UHRF2: variants seen among roughly 807,000 people sequenced by gnomAD.
The protein encoded by UHRF2 is E3 ubiquitin-protein ligase UHRF2.
Under a neutral mutation model 96.8 loss-of-function variants are expected in UHRF2, and 23 were observed. The ratio of observed to expected loss-of-function variants is 0.24; its 90% CI spans 0.17 to 0.34. The LOEUF (loss-of-function observed/expected upper bound fraction) is 0.34, where lower values mean the gene tolerates loss of function less well. Ranked by LOEUF, UHRF2 falls within the 10% of genes least tolerant of loss-of-function variation. The pLI is 1.00. For missense variants in UHRF2, 685 were observed against 981.5 expected (o/e 0.70, Z 4.04); for synonymous variants, 385 against 332.6 (o/e 1.16, Z -1.72).
intron 3 of UHRF2, among the ~76,000 whole-genome samples, chr9:6,451,394 A>AG (rs1220456986): frequency 6.6e-6 from 1 of 152,182 alleles, no homozygotes; most frequent in Non-Finnish European, 1.5e-5. Flanking sequence ...AATCTCCAAA[A>AG]CAAAATATAC....
At chr9:6,435,030 C>G (rs1227403947) in intron 3 of UHRF2, among the ~76,000 whole-genome samples, 1 of 150,666 alleles carries the variant, frequency 6.6e-6, no homozygotes, top group Non-Finnish European at 1.5e-5. Context: ...AGTTTTGAGA[C>G]AGATTCTCAC....
At position 6,485,008 on chromosome 9, in the gene UHRF2, G is replaced by A. The variant is rs201711728; in HGVS notation, c.1393-1813G>A. On this transcript the variant is annotated intron_variant, in intron 8 of 15. Transcript: ENST00000276893. ...GGGTTACTCCATGTTGGTCAGGCTG[G>A]TCTCAAACTCCCGACCTCAGGTGAT... Among the ~76,000 whole-genome samples the A allele has an allele frequency of 1.9e-4, 29 of 151,582 alleles. No individual in the cohort carries two copies. The East Asian group carries it at 5.7e-3, about 30-fold the overall frequency.
intron 3 of UHRF2, among the ~76,000 whole-genome samples, chr9:6,438,364 G>A (rs886577391): frequency 6.6e-6 from 1 of 152,192 alleles, no homozygotes; most frequent in African/African-American, 2.4e-5. Context: ...TAGATGACCT[G>A]TAATGACAGC....
chr9:6,459,714 C>T (rs767684232), intron 3 of UHRF2, among the ~76,000 whole-genome samples: 59 of 152,184 alleles, frequency 3.9e-4, no homozygotes, highest in Non-Finnish European at 7.9e-4. Context: ...TGGCTCATGC[C>T]GGTAGTCCCA....
chr9:6,494,965 A>G (rs1025350282), intron 10 of UHRF2: 3 of 152,220 alleles, frequency 2.0e-5, no homozygotes, highest in Non-Finnish European at 4.4e-5. Flanking sequence ...TGGTGAAAAC[A>G]TTCTTGAGAC....
At chr9:6,436,883 A>G (rs371951435) in intron 3 of UHRF2, among the ~76,000 whole-genome samples, 17 of 152,360 alleles carry the variant, frequency 1.1e-4, no homozygotes, top group South Asian at 6.2e-4. Context: ...AAATGTTTCA[A>G]TGCTGGCAAC....
At chr9:6,498,182 G>A in intron 12 of UHRF2, 24 bp downstream of exon 12, 2 of 1,607,094 alleles carry the variant, frequency 1.2e-6, no homozygotes, top group South Asian at 1.1e-5. Context: ...TGTCTAGGCT[G>A]CCTGTGTGTT....
chr9:6,466,628 A>G (rs1308259674), intron 4 of UHRF2, among the ~76,000 whole-genome samples: 2 of 151,990 alleles, frequency 1.3e-5, no homozygotes, highest in African/African-American at 2.4e-5. Flanking sequence ...TGTATTTACT[A>G]AATTTTTTTC....
intron 1 of UHRF2, among the ~76,000 whole-genome samples, chr9:6,419,913 T>A (rs1207668152): frequency 6.6e-6 from 1 of 151,916 alleles, no homozygotes; most frequent in African/African-American, 2.4e-5. Flanking sequence ...CTACGTTTTT[T>A]TATTTATTTA....
At chr9:6,453,409 T>C (rs2130825359) in intron 3 of UHRF2, among the ~76,000 whole-genome samples, 1 of 152,340 alleles carries the variant, frequency 6.6e-6, no homozygotes, top group African/African-American at 2.4e-5. Context: ...ATTTTCACTT[T>C]ACAGCTGAGA....
intron 3 of UHRF2, among the ~76,000 whole-genome samples, chr9:6,443,411 G>A (rs1190154689): frequency 1.3e-5 from 2 of 152,212 alleles, no homozygotes; most frequent in African/African-American, 4.8e-5. Context: ...CTCAGTGTTA[G>A]AGAGCTAGTA....
intron 2 of UHRF2, among the ~76,000 whole-genome samples, chr9:6,432,540 G>C (rs1279864976): frequency 6.6e-6 from 1 of 152,128 alleles, no homozygotes; most frequent in Non-Finnish European, 1.5e-5. Flanking sequence ...TAACCTAGAG[G>C]AAGTTAATTT....
At chr9:6,445,878 T>A (rs1821454640) in intron 3 of UHRF2, among the ~76,000 whole-genome samples, 1 of 151,880 alleles carries the variant, frequency 6.6e-6, no homozygotes, top group Admixed American at 6.6e-5. Flanking sequence ...CTTCTAATAA[T>A]ATTGAAAATA....
chr9:6,421,675 CCAAAGTGCT>C (rs1819939558), intron 2 of UHRF2, among the ~76,000 whole-genome samples: 1 of 152,140 alleles, frequency 6.6e-6, no homozygotes, highest in South Asian at 2.1e-4. Context: ...CCTCAGCCTC[CCAAAGTGCT>C]GGAATTACCG....
intron 4 of UHRF2, among the ~76,000 whole-genome samples, chr9:6,462,295 G>A (rs935419278): frequency 4.8e-5 from 7 of 147,318 alleles, no homozygotes; most frequent in African/African-American, 1.0e-4. Context: ...CTGGCTCTTC[G>A]TGGGAAAAGT....
In UHRF2 at chr9:6,422,689, A is replaced by G. The variant is rs1050375765; in HGVS notation, c.384+1547A>G. On this transcript the variant is annotated intron_variant, in intron 2 of 15. Transcript: ENST00000276893. ...CAGTGACGTGAACACGGCTCGCTGT[A>G]GCCTTGACCTGCTGGGGTCAAGTGA... is the stretch of plus-strand genomic sequence containing the variant. 10 of 601,188 alleles carry G rather than the reference A, an allele frequency of 1.7e-5. No homozygotes were observed. The African/African-American group carries it at 1.7e-4, about 10-fold the overall frequency. 37.2% of individuals were successfully genotyped at this position (601,188 alleles called of 1,614,324 possible).
chr9:6,459,921 T>C (rs1341605347), intron 3 of UHRF2, among the ~76,000 whole-genome samples: 2 of 152,220 alleles, frequency 1.3e-5, no homozygotes, highest in East Asian at 3.8e-4. Flanking sequence ...TACAGTGAGC[T>C]ATTATCGTGT....
chr9:6,492,485 C>G, intron 9 of UHRF2: 1 of 459,384 alleles, frequency 2.2e-6, no homozygotes, highest in South Asian at 8.5e-5. Flanking sequence ...ATATGTAGAC[C>G]TTAATATTGG....
intron 3 of UHRF2, among the ~76,000 whole-genome samples, chr9:6,436,311 A>G (rs978057128): frequency 6.6e-6 from 1 of 152,190 alleles, no homozygotes; most frequent in Non-Finnish European, 1.5e-5. Context: ...CTTACTTGAC[A>G]TGATAGATGG....
Sources: gnomAD v4.1 joint callset for allele counts (sites outside exome capture counted in the v4.1 genomes callset) on GRCh38, gnomAD v4.1.1 for gene constraint, MANE v1.5 for transcripts, NCBI Gene and HGNC (gene_info 2026-07-23, HGNC 2026-07-21) for gene names.